Variants in GNAQ observed in about 807,000 individuals in gnomAD.
The protein encoded by GNAQ is guanine nucleotide-binding protein G(q) subunit alpha.
A neutral mutation model predicts 43.9 loss-of-function variants in GNAQ; 8 were observed. That is an observed-to-expected ratio of 0.18 (90% confidence interval 0.11 to 0.33). The LOEUF (loss-of-function observed/expected upper bound fraction) is 0.33. Among genes scored for constraint, GNAQ ranks in the 10% least tolerant of loss-of-function variants. The pLI, the probability that GNAQ is intolerant of heterozygous loss-of-function variation, is 1.00. For missense variants in GNAQ, 158 were observed against 450.8 expected (o/e 0.35, Z 5.88); for synonymous variants, 155 against 170.7 (o/e 0.91, Z 0.71).
intron 2 of GNAQ, among the ~76,000 whole-genome samples, chr9:77,829,102 G>A (rs1214429824): frequency 6.6e-6 from 1 of 152,160 alleles, no homozygotes; most frequent in Admixed American, 6.5e-5. Flanking sequence ...ACTTGGGGAA[G>A]CAGCTATAAT....
chr9:77,820,021 T>C (rs1827087061), intron 2 of GNAQ, among the ~76,000 whole-genome samples: 1 of 145,650 alleles, frequency 6.9e-6, no homozygotes, highest in African/African-American at 2.5e-5. Flanking sequence ...GAGGGATAAA[T>C]TACAGAATGC....
chr9:78,026,432 G>T (rs1408369193), intron 1 of GNAQ, among the ~76,000 whole-genome samples: 1 of 152,116 alleles, frequency 6.6e-6, no homozygotes, highest in African/African-American at 2.4e-5. Context: ...ACAAAAAAGG[G>T]AACTGTATCC....
At chr9:77,724,856 T>C (rs890906800) in intron 6 of GNAQ, among the ~76,000 whole-genome samples, 3 of 152,084 alleles carry the variant, frequency 2.0e-5, no homozygotes, top group African/African-American at 7.2e-5. Context: ...AAAAACAATA[T>C]GTAAAGTATA....
At position 77,911,804 on chromosome 9, in the gene GNAQ, G is replaced by C. The variant is rs185694962; in HGVS notation, c.321+10357C>G. Among the ~76,000 whole-genome samples, 37 of 152,280 alleles carry C rather than the reference G, an allele frequency of 2.4e-4. No individual in the cohort carries two copies. The East Asian group carries it at 5.8e-3, about 24-fold the overall frequency. Reference sequence around the variant, plus strand: ...ACTCTTGTTAGAGGAAATGCTTAAAGTGAGAAAGAACATCACTGAATAATA... The same window carrying C: ...ACTCTTGTTAGAGGAAATGCTTAAACTGAGAAAGAACATCACTGAATAATA... On this transcript the variant is annotated intron_variant, in intron 2 of 6. Transcript: ENST00000286548.
chr9:77,903,702 A>G (rs1828651278), intron 2 of GNAQ, among the ~76,000 whole-genome samples: 1 of 152,176 alleles, frequency 6.6e-6, no homozygotes, highest in Non-Finnish European at 1.5e-5. Flanking sequence ...CTTTCATTAA[A>G]GCACAAGTGT....
chr9:77,786,642 C>G (rs140879379), intron 5 of GNAQ, among the ~76,000 whole-genome samples: 109 of 152,234 alleles, frequency 7.2e-4, no homozygotes, highest in Middle Eastern at 3.4e-3. Flanking sequence ...GCTCAGCTAC[C>G]TAGTCACCAG....
chr9:77,747,134 C>T (rs1187439631), intron 5 of GNAQ, among the ~76,000 whole-genome samples: 1 of 152,038 alleles, frequency 6.6e-6, no homozygotes, highest in Non-Finnish European at 1.5e-5. Flanking sequence ...GGAGAGTTTT[C>T]ACTCTCTTCT....
At chr9:77,854,726 C>T (rs1484664161) in intron 2 of GNAQ, among the ~76,000 whole-genome samples, 4 of 152,180 alleles carry the variant, frequency 2.6e-5, no homozygotes, top group African/African-American at 7.2e-5. Context: ...TCAAACTCTG[C>T]TGGAGCAGTG....
At chr9:77,728,468 A>G (rs1200330471) in intron 6 of GNAQ, 46 bp downstream of exon 6, 1 of 1,445,984 alleles carries the variant, frequency 6.9e-7, no homozygotes. Context: ...GTTTGGAGAC[A>G]AAACCTATTC....
intron 2 of GNAQ, among the ~76,000 whole-genome samples, chr9:77,816,390 A>ACCAGATTG (rs1827016059): frequency 6.6e-6 from 1 of 152,216 alleles, no homozygotes; most frequent in South Asian, 2.1e-4. Flanking sequence ...TGCCTTATCT[A>ACCAGATTG]TATTACCAGA....
chr9:77,817,909 G>A (rs1240716851), intron 2 of GNAQ, among the ~76,000 whole-genome samples: 1 of 151,920 alleles, frequency 6.6e-6, no homozygotes, highest in Non-Finnish European at 1.5e-5. Context: ...TCCCTCCAAG[G>A]AAAAGCAGCA....
rs561075039 is a variant in GNAQ at position 78,002,336 on chromosome 9, A to G, written c.136+28764T>C. 8.5e-5 allele frequency among the ~76,000 whole-genome samples: 13 copies of G among 152,214 alleles called. 1 individual carries two copies. The highest frequency in any genetic ancestry group is 1.6e-4 in the Non-Finnish European group (11 of 68,042). On this transcript the variant is annotated intron_variant, in intron 1 of 6. Coordinates refer to ENST00000286548, the MANE Select transcript of GNAQ (RefSeq NM_002072.5). ...AAGAGGATTGTGAAATTAATATTTAAAATATTTACAGACACAAAGAGAAGA... is the reference window on the plus strand; with the variant it reads ...AAGAGGATTGTGAAATTAATATTTAGAATATTTACAGACACAAAGAGAAGA...
chr9:77,925,700 T>C (rs1448589043), intron 1 of GNAQ, among the ~76,000 whole-genome samples: 2 of 152,166 alleles, frequency 1.3e-5, no homozygotes, highest in Non-Finnish European at 2.9e-5. Flanking sequence ...ATCTGTATGA[T>C]GCAAATATTG....
chr9:77,836,452 T>C (rs1364175090), intron 2 of GNAQ, among the ~76,000 whole-genome samples: 1 of 152,222 alleles, frequency 6.6e-6, no homozygotes, highest in Non-Finnish European at 1.5e-5. Context: ...TCTTATTCGG[T>C]TTGAAATAAT....
At position 77,716,582 on chromosome 9, in the gene GNAQ, A is replaced by C. The variant is rs1587880019; in HGVS notation, c.*4741T>G. 8.6e-6 allele frequency: 2 copies of C among 232,896 alleles called. No individual in the cohort carries two copies. The highest frequency in any genetic ancestry group is 1.7e-5 in the Non-Finnish European group (2 of 117,852). 14.4% of individuals were successfully genotyped at this position (232,896 alleles called of 1,614,324 possible). The stretch of plus-strand genomic sequence containing the variant: ...TCCACCAAAAACGTGTTTCAGTCAA[A>C]GTAACCTGGACAAAGTTACGTAGTA... On this transcript the variant is annotated 3_prime_UTR_variant, in exon 7 of 7. Coordinates refer to ENST00000286548, the MANE Select transcript of GNAQ (RefSeq NM_002072.5).
intron 2 of GNAQ, among the ~76,000 whole-genome samples, chr9:77,857,333 G>C (rs144792618): frequency 2.0e-5 from 3 of 152,080 alleles, no homozygotes; most frequent in African/African-American, 4.8e-5. Context: ...TAAGATCAGC[G>C]GTGTACAGCT....
In GNAQ at chr9:77,717,135, T is replaced by C; in HGVS notation, c.*4188A>G. ...AGGACAGATCTATTAACGCTACATA[T>C]GCTGGAAATATGTAGAGATAGATAA... On this transcript the variant is annotated 3_prime_UTR_variant, in exon 7 of 7. Transcript: ENST00000286548. 1 of 232,384 alleles carries C rather than the reference T, an allele frequency of 4.3e-6. No homozygotes were observed. Among genetic ancestry groups the C allele is most frequent in the Non-Finnish European group, 8.5e-6 (1 of 117,532 alleles). 14.4% of individuals were successfully genotyped at this position (232,384 alleles called of 1,614,324 possible). A position where few individuals can be genotyped will look rare whatever the true frequency, so the allele number is the denominator to read the frequency against.
intron 2 of GNAQ, among the ~76,000 whole-genome samples, chr9:77,914,333 T>C (rs1454184201): frequency 6.6e-6 from 1 of 152,166 alleles, no homozygotes; most frequent in Non-Finnish European, 1.5e-5. Context: ...ACTCATCAAA[T>C]TGGCCATGAA....
In GNAQ at chr9:77,855,445, A is replaced by T. The variant is rs376189555; in HGVS notation, c.322-39675T>A. Among the ~76,000 whole-genome samples the T allele has an allele frequency of 4.6e-5, 7 of 152,230 alleles. No homozygotes were observed. The East Asian group carries it at 9.7e-4, about 21-fold the overall frequency. Reference sequence around the variant, plus strand: ...TGTTTTAAATCGCAGTTCCCCAAAAAATGACTTTGCAGGTTTATACTTTGA... The same window carrying T: ...TGTTTTAAATCGCAGTTCCCCAAAATATGACTTTGCAGGTTTATACTTTGA... On this transcript the variant is annotated intron_variant, in intron 2 of 6. Coordinates refer to ENST00000286548, the MANE Select transcript of GNAQ (RefSeq NM_002072.5).
Sources: allele counts gnomAD v4.1 joint callset (sites outside exome capture counted in the v4.1 genomes callset), GRCh38; gene constraint gnomAD v4.1.1; transcripts MANE v1.5; gene names NCBI Gene and HGNC (gene_info 2026-07-23, HGNC 2026-07-21).